TEP1: variants seen among roughly 807,000 people sequenced by gnomAD.
TEP1 encodes the protein telomerase associated protein 1.
A neutral mutation model predicts 306.3 loss-of-function variants in TEP1; 241 were observed. The observed-to-expected ratio is 0.79, with a 90% CI of 0.71 to 0.88. The LOEUF (loss-of-function observed/expected upper bound fraction) is 0.88. Ranked by LOEUF, TEP1 falls within the 40% of genes least tolerant of loss-of-function variation. TEP1 has a pLI of 0.00. For missense variants in TEP1, 3,051 were observed against 3,276.1 expected (o/e 0.93, Z 1.68); for synonymous variants, 1,289 against 1,305.5 (o/e 0.99, Z 0.27).
At position 20,401,448 on chromosome 14, in the gene TEP1, G is replaced by A; in HGVS notation, c.1391+9C>T. 1 of 1,613,752 alleles carries A rather than the reference G, an allele frequency of 6.2e-7. No individual in the cohort carries two copies. Among genetic ancestry groups the A allele is most frequent in the African/African-American group, 1.3e-5 (1 of 75,030 alleles). Reference sequence around the variant, plus strand: ...AGATGGAATGCATGCTCAGGGTGCAGCTTCTCACCTGTAACCCAGCAGGGC... The same window carrying A: ...AGATGGAATGCATGCTCAGGGTGCAACTTCTCACCTGTAACCCAGCAGGGC... On this transcript the variant is annotated intron_variant, in intron 8 of 54. Transcript: ENST00000262715.
chr14:20,404,766 A>G lies in TEP1; in HGVS notation c.877T>C (p.Leu293=). 1 of 1,609,242 alleles carries G rather than the reference A, an allele frequency of 6.2e-7. No individual in the cohort carries two copies. The highest frequency in any genetic ancestry group is 8.5e-7 in the Non-Finnish European group (1 of 1,177,424). ...LEPEFILKAS[L]YARQQLNVRN... ...ACGTTCAGCTGCTGCCTGGCATACAAAGATGCCTAGGACACAGGGTGAGAG... is the reference window on the plus strand; with the variant it reads ...ACGTTCAGCTGCTGCCTGGCATACAGAGATGCCTAGGACACAGGGTGAGAG... Residue 293 remains leucine (L), a synonymous_variant, in exon 5 of 55, where the codon TTG becomes CTG. Transcript: ENST00000262715.
At chr14:20,395,782 T>C in intron 11 of TEP1, 77 bp downstream of exon 11, 4 of 1,542,496 alleles carry the variant, frequency 2.6e-6, no homozygotes, top group Middle Eastern at 1.7e-4. Flanking sequence ...AGCAAGAGGC[T>C]AAAAATATTG....
At position 20,395,888 on chromosome 14, in the gene TEP1, T is replaced by C; in HGVS notation, c.1721A>G (p.Asp574Gly). ...FRFLNAHDAI[D>G]ALEAQLRNQA... is the part of the protein sequence containing the mutation. ...ATTTCTGAGTTGAGCCTCGAGGGCATCAATGGCATCATGGGCGTTAAGAAA... is the reference window on the plus strand; with the variant it reads ...ATTTCTGAGTTGAGCCTCGAGGGCACCAATGGCATCATGGGCGTTAAGAAA... The change falls in exon 11 of 55, where the codon GAT (aspartate) becomes GGT (glycine). Residue 574 changes from aspartate to glycine, a missense_variant. Asp to Gly is a moderately conservative substitution (Grantham distance 94). Around this residue, in one of 3 missense-constraint regions of TEP1, gnomAD observed 1,507 missense variants for 1,550.5 expected, o/e 0.97. Transcript: ENST00000262715. 3.7e-6 allele frequency: 6 copies of C among 1,614,038 alleles called. No homozygotes were observed. The highest frequency in any genetic ancestry group is 1.3e-5 in the African/African-American group (1 of 74,984).
chr14:20,369,953 G>C (rs1248811938), intron 51 of TEP1, among the ~76,000 whole-genome samples, 174 bp from the exon 52 acceptor site: 1 of 141,172 alleles, frequency 7.1e-6, no homozygotes, highest in South Asian at 2.2e-4. Context: ...TCACTCTGTC[G>C]CCCAGGCTGG....
rs1295640228 is a variant in TEP1, at chr14:20,407,966, C to T, written c.474G>A (p.Arg158=). The change falls in exon 2 of 55, where the codon AGG becomes AGA. Residue 158 remains arginine, a synonymous_variant. Coordinates refer to ENST00000262715, the MANE Select transcript of TEP1 (RefSeq NM_007110.5). ...CTAGTCCCTTAGAGAAATGCTGAGC[C>T]CTCCAACTTGGAGGCTCAGAGAGCA... The part of the protein sequence containing the change: ...NCLLSEPPSW[R]AQHFSKGLDL... 6.2e-7 allele frequency: 1 copy of T among 1,614,164 alleles called. No homozygotes were observed.
At position 20,396,697 on chromosome 14, in the gene TEP1, C is replaced by G; in HGVS notation, c.1583G>C (p.Arg528Pro). The G allele has an allele frequency of 6.2e-7, 1 of 1,611,218 alleles. No homozygotes were observed. The highest frequency in any genetic ancestry group is 8.5e-7 in the Non-Finnish European group (1 of 1,177,838). ...NGKLPFMAML[R>P]NLCNLLRVGI... ...AACCCGCAGCAGGTTGCACAGGTTC[C>G]GAAGCATGGCCATGAAGGGAAGCTT... The change falls in exon 10 of 55, where the codon CGG (arginine) becomes CCG (proline). Residue 528 changes from arginine (R) to proline (P), a missense_variant. Arg to Pro is a moderately radical substitution (Grantham distance 103, BLOSUM62 -2). Transcript: ENST00000262715.
rs952611240 is a variant in TEP1 at position 20,381,766 on chromosome 14, C to G, written c.4425-80G>C. On this transcript the variant is annotated intron_variant, in intron 30 of 54. Transcript: ENST00000262715. The surrounding 1 kb of genome is among the most constrained non-coding windows in gnomAD (Gnocchi z 4.0). The stretch of plus-strand genomic sequence containing the variant: ...TCCTGGCACACAGTGGGCTCCTATT[C>G]CCCCCTCAAATAGCGGAAACTGGAG... 5 of 1,531,410 alleles carry G rather than the reference C, an allele frequency of 3.3e-6. No individual in the cohort carries two copies. Among genetic ancestry groups the G allele is most frequent in the Non-Finnish European group, 4.4e-6 (5 of 1,143,160 alleles). The allele number at this position is 1,531,410 out of a possible 1,614,324, so 94.9% of individuals were successfully genotyped here.
intron 50 of TEP1, 67 bp from the exon 51 acceptor site, chr14:20,371,381 C>A: frequency 1.3e-6 from 2 of 1,598,032 alleles, no homozygotes; most frequent in Non-Finnish European, 1.7e-6. Context: ...GAACACCTCT[C>A]TTTAAGACTC....
At position 20,381,977 on chromosome 14, in the gene TEP1, C is replaced by G. The variant is rs776465334; in HGVS notation, c.4360G>C (p.Ala1454Pro). Residue 1454 changes from alanine to proline, a missense_variant, in exon 30 of 55, where the codon GCT (alanine) becomes CCT (proline). Ala to Pro is a conservative substitution (Grantham distance 27). Transcript: ENST00000262715. The surrounding 1 kb of genome is among the most constrained non-coding windows in gnomAD (Gnocchi z 4.0). Reference protein sequence around the residue: ...GTKSWEEAVAAGNSGDPYPMG... With the variant: ...GTKSWEEAVAPGNSGDPYPMG... ...GGGTAGGGGTCTCCACTGTTACCAG[C>G]AGCCACTGCTTCTTCCCAGCTCTTA... 2 of 1,614,172 alleles carry G rather than the reference C, an allele frequency of 1.2e-6. No individual in the cohort carries two copies. The highest frequency in any genetic ancestry group is 1.7e-5 in the Admixed American group (1 of 60,026).
intron 1 of TEP1, among the ~76,000 whole-genome samples, chr14:20,413,100 A>G (rs1242640405): frequency 6.6e-6 from 1 of 152,166 alleles, no homozygotes; most frequent in East Asian, 1.9e-4. Flanking sequence ...AGGGCAAGGA[A>G]GTAAGAGGGG....
rs1876520252 is a variant in TEP1, at chr14:20,381,445, C to T, written c.4559-44G>A. The T allele has an allele frequency of 6.2e-7, 1 of 1,613,180 alleles. No homozygotes were observed. The highest frequency in any genetic ancestry group is 8.5e-7 in the Non-Finnish European group (1 of 1,179,758). On this transcript the variant is annotated intron_variant, in intron 31 of 54. Coordinates refer to ENST00000262715, the MANE Select transcript of TEP1 (RefSeq NM_007110.5). This position sits in a 1 kb window ranked among gnomAD's most constrained non-coding sequence, Gnocchi z 4.0. ...AGAAAGGCTCAGCCCTGCATCATTC[C>T]CAAGGGCAGTAGGTGAGCTGGCCAG...
chr14:20,397,111 A>T (rs949226320), intron 9 of TEP1, among the ~76,000 whole-genome samples: 3 of 152,228 alleles, frequency 2.0e-5, no homozygotes, highest in African/African-American at 7.2e-5. Flanking sequence ...GATGGCTGTT[A>T]TGTTACCACT....
Position 20,383,895 on chromosome 14 carries a change from C to A in TEP1, c.3558G>T (p.Gln1186His). The change falls in exon 25 of 55, where the codon CAG becomes CAT. Residue 1186 changes from glutamine (Q) to histidine (H), a missense_variant. This residue lies in a region of TEP1 where 1,507 missense variants were observed against 1,550.5 expected (regional missense o/e 0.97). Coordinates refer to ENST00000262715, the MANE Select transcript of TEP1 (RefSeq NM_007110.5). ...ATGCCACCTTGGCCCCATCAGGAGC[C>A]TGCAGGGCTGACACAAGAGATGCCT... ...AFLASLVSAL[Q>H]APDGAKVASL... The A allele has an allele frequency of 6.2e-7, 1 of 1,600,724 alleles. No homozygotes were observed. The highest frequency in any genetic ancestry group is 8.5e-7 in the Non-Finnish European group (1 of 1,178,874).
chr14:20,377,230 G>C, intron 41 of TEP1, 50 bp downstream of exon 41: 1 of 1,269,338 alleles, frequency 7.9e-7, no homozygotes, highest in Non-Finnish European at 1.1e-6. Flanking sequence ...AAAAAAAAAA[G>C]AAAAGAAAAG....
chr14:20,378,560 G>A, intron 37 of TEP1, 25 bp from the exon 38 acceptor site: 1 of 1,613,964 alleles, frequency 6.2e-7, no homozygotes, highest in Non-Finnish European at 8.5e-7. Context: ...GGAGGAATCA[G>A]GATGCTGAAG....
chr14:20,387,425 G>A (rs1385736604), intron 18 of TEP1, among the ~76,000 whole-genome samples: 4 of 150,876 alleles, frequency 2.7e-5, no homozygotes, highest in South Asian at 2.1e-4. Flanking sequence ...GGTGGCAGGC[G>A]CCTGTAGTCC....
Position 20,373,316 on chromosome 14 carries a change from G to A in TEP1, c.6768C>T (p.Ala2256=), listed in dbSNP as rs2139006874. The A allele has an allele frequency of 1.9e-6, 3 of 1,614,172 alleles. No homozygotes were observed. The highest frequency in any genetic ancestry group is 2.2e-5 in the East Asian group (1 of 44,880). ...AGAGCCGTACAGAACCATCCTCAGA[G>A]GCGGTCAGCATGAGGCCTGAGGTTT... The part of the protein sequence containing the change: ...VSETSGLMLT[A]SEDGSVRLWQ... The change falls in exon 47 of 55, where the codon GCC becomes GCT. Residue 2256 remains alanine, a synonymous_variant. Coordinates refer to ENST00000262715, the MANE Select transcript of TEP1 (RefSeq NM_007110.5).
rs749797673 is a variant in TEP1, at chr14:20,378,541, GGA to G, written c.5353-8_5353-7del. 1.4e-5 allele frequency: 23 copies of G among 1,613,996 alleles called. No homozygotes were observed. Among genetic ancestry groups the G allele is most frequent in the Non-Finnish European group, 1.8e-5 (21 of 1,180,024 alleles). On this transcript the variant is annotated splice_region_variant and splice_polypyrimidine_tract_variant and intron_variant, in intron 37 of 54. Coordinates refer to ENST00000262715, the MANE Select transcript of TEP1 (RefSeq NM_007110.5). ...CCACGGACTGTGTCCCACAGCTGAG[GGA>G]GAGAGAGGAGGAATCAGGATGCTGA...
In TEP1 at chr14:20,391,144, T is replaced by A. The variant is rs776159689; in HGVS notation, c.2098-48A>T. On this transcript the variant is annotated intron_variant, in intron 13 of 54. Coordinates refer to ENST00000262715, the MANE Select transcript of TEP1 (RefSeq NM_007110.5). ...AAATAAAGCTCCCCTGCTTTGGAATTCACCCTTGCCCAGCCAGCCCTGGAG... is the reference window on the plus strand; with the variant it reads ...AAATAAAGCTCCCCTGCTTTGGAATACACCCTTGCCCAGCCAGCCCTGGAG... 1.5e-5 allele frequency: 24 copies of A among 1,598,262 alleles called. No homozygotes were observed. The African/African-American group carries it at 2.9e-4, about 20-fold the overall frequency.
Sources: gnomAD v4.1 joint callset for allele counts (sites outside exome capture counted in the v4.1 genomes callset) on GRCh38, gnomAD v4.1.1 for gene constraint, gnomAD v4.1.1 regional missense constraint, Gnocchi (gnomAD v3.1) non-coding constraint, MANE v1.5 for transcripts, NCBI Gene and HGNC (gene_info 2026-07-23, HGNC 2026-07-21) for gene names.